CCDC141: variants seen among roughly 807,000 people sequenced by gnomAD.
CCDC141 encodes coiled-coil domain-containing protein 141.
Under a neutral mutation model 181.0 loss-of-function variants are expected in CCDC141, and 168 were observed. The observed-to-expected ratio is 0.93, with a 90% CI of 0.82 to 1.05. CCDC141 has a LOEUF of 1.05. CCDC141 is among the 50% of genes least tolerant of loss of function. CCDC141 has a pLI of 0.00. For missense variants in CCDC141, 1,902 were observed against 1,788.5 expected, an observed-to-expected ratio of 1.06 and a Z score of -1.14; for synonymous variants, 666 against 642.3, an observed-to-expected ratio of 1.04 and a Z score of -0.56.
At chr2:178,979,093 T>C (rs1207503322) in intron 2 of CCDC141, among the ~76,000 whole-genome samples, 1 of 152,232 alleles carries the variant, frequency 6.6e-6, no homozygotes, top group East Asian at 1.9e-4. Flanking sequence ...TTGTCATTAG[T>C]TGTTAATATG....
At chr2:178,928,460 C>G (rs147342056) in intron 6 of CCDC141, among the ~76,000 whole-genome samples, 2 of 152,002 alleles carry the variant, frequency 1.3e-5, no homozygotes, top group African/African-American at 2.4e-5. Context: ...CAATTTCACT[C>G]TTATTATCAT....
At chr2:178,819,983 C>CATAA in the CCDC141 span, among the ~76,000 whole-genome samples, 1 of 152,050 alleles carries the variant, frequency 6.6e-6, no homozygotes, top group Non-Finnish European at 1.5e-5. Flanking sequence ...CATTAAAGGA[C>CATAA]ATAAATAAAT....
At chr2:179,001,184 G>A (rs1266929736) in intron 2 of CCDC141, among the ~76,000 whole-genome samples, 1 of 152,132 alleles carries the variant, frequency 6.6e-6, no homozygotes, top group Admixed American at 6.5e-5. Context: ...ACAAGTGTAA[G>A]CATTGAAATT....
chr2:179,000,019 T>C (rs2041914941), intron 2 of CCDC141, among the ~76,000 whole-genome samples: 1 of 150,550 alleles, frequency 6.6e-6, no homozygotes, highest in African/African-American at 2.5e-5. Context: ...AAAATAAAAA[T>C]TGCTCATGAT....
At chr2:178,881,474 G>A (rs1335420285) in intron 11 of CCDC141, among the ~76,000 whole-genome samples, 1 of 152,174 alleles carries the variant, frequency 6.6e-6, no homozygotes, top group African/African-American at 2.4e-5. Context: ...GGGTAACTGG[G>A]TCAAATAAAT....
At chr2:178,883,159 A>G (rs1156613782) in intron 11 of CCDC141, among the ~76,000 whole-genome samples, 1 of 152,232 alleles carries the variant, frequency 6.6e-6, no homozygotes, top group African/African-American at 2.4e-5. Context: ...GAAGATGCAG[A>G]AAGCAAGCAC....
At chr2:178,856,492 C>T (rs1685393502) in intron 17 of CCDC141, 95 bp from the exon 18 acceptor site, 1 of 885,236 alleles carries the variant, frequency 1.1e-6, no homozygotes, top group Non-Finnish European at 1.6e-6. Context: ...TCAAAATACT[C>T]ATAATCTTAA....
chr2:178,959,675 CA>C (rs966235779), intron 5 of CCDC141, among the ~76,000 whole-genome samples: 14 of 152,196 alleles, frequency 9.2e-5, no homozygotes, highest in African/African-American at 3.4e-4. Flanking sequence ...ACAACAGAAG[CA>C]GGACAGGAGA....
intron 17 of CCDC141, among the ~76,000 whole-genome samples, chr2:178,857,504 G>A (rs1184294019): frequency 1.3e-5 from 2 of 152,092 alleles, no homozygotes; most frequent in African/African-American, 4.8e-5. Flanking sequence ...TATACATAGG[G>A]GATAGATTTT....
chr2:179,048,454 T>C (rs1268616366), intron 1 of CCDC141, among the ~76,000 whole-genome samples: 1 of 152,156 alleles, frequency 6.6e-6, no homozygotes, highest in Non-Finnish European at 1.5e-5. Flanking sequence ...TAATTTCCAG[T>C]GTAATTTTTT....
intron 23 of CCDC141, 105 bp downstream of exon 23, chr2:178,836,789 A>G (rs747060719): frequency 1.6e-5 from 21 of 1,276,298 alleles, no homozygotes; most frequent in Non-Finnish European, 2.2e-5. Context: ...GTGTCATAGA[A>G]TATTAATCAG....
intron 4 of CCDC141, among the ~76,000 whole-genome samples, chr2:178,962,896 C>T (rs1374585569): frequency 6.6e-6 from 1 of 152,176 alleles, no homozygotes; most frequent in African/African-American, 2.4e-5. Context: ...TATGTCCACT[C>T]ACATCCTCAA....
chr2:178,850,103 A>G lies in CCDC141; in HGVS notation c.3303T>C (p.Leu1101=), dbSNP rs369890692. Residue 1101 remains leucine, a synonymous_variant, in exon 21 of 24, where the codon CTT becomes CTC. Transcript: ENST00000443758. The part of the protein sequence containing the change: ...EKIVTKHKEV[L]ESVTELCESL... ...ACTCACATAATTCAGTCACAGATTCAAGAACCTCTTTGTGTTTTGTCACTA... is the reference window on the plus strand; with the variant it reads ...ACTCACATAATTCAGTCACAGATTCGAGAACCTCTTTGTGTTTTGTCACTA... 3.5e-5 allele frequency: 56 copies of G among 1,611,724 alleles called. No homozygotes were observed. The African/African-American group carries it at 7.3e-4, about 21-fold the overall frequency.
chr2:178,824,237 G>A, the CCDC141 span, among the ~76,000 whole-genome samples: 1 of 152,128 alleles, frequency 6.6e-6, no homozygotes, highest in African/African-American at 2.4e-5. Context: ...TTCTAATTCT[G>A]AGATTCTCTA....
chr2:178,902,350 A>C (rs1687740170), intron 8 of CCDC141, among the ~76,000 whole-genome samples: 1 of 152,244 alleles, frequency 6.6e-6, no homozygotes, highest in Non-Finnish European at 1.5e-5. Context: ...ACCTAACTTC[A>C]AACTATACTA....
intron 5 of CCDC141, among the ~76,000 whole-genome samples, chr2:178,945,621 C>T (rs367713205): frequency 1.3e-4 from 20 of 152,144 alleles, no homozygotes; most frequent in African/African-American, 4.1e-4. Flanking sequence ...CTGCCATCAG[C>T]GGGAATGACT....
rs1228375797 is a variant in CCDC141, at chr2:178,840,637, C to T, written c.3475-2893G>A. Among the ~76,000 whole-genome samples the T allele has an allele frequency of 3.9e-5, 6 of 152,062 alleles. No homozygotes were observed. In the South Asian group the frequency reaches 8.3e-4, roughly 21 times the overall value. ...ATCCCCCGGAGGTGAAGTCTGTGGTCGTCTAGATGGGCACCCAAGTGGACT... is the reference window on the plus strand; with the variant it reads ...ATCCCCCGGAGGTGAAGTCTGTGGTTGTCTAGATGGGCACCCAAGTGGACT... On this transcript the variant is annotated intron_variant, in intron 22 of 23. Transcript: ENST00000443758.
At chr2:178,982,568 T>A (rs968137044) in intron 2 of CCDC141, among the ~76,000 whole-genome samples, 7 of 152,154 alleles carry the variant, frequency 4.6e-5, no homozygotes, top group African/African-American at 1.7e-4. Context: ...TTCATCTCAC[T>A]AGGGAGTGCC....
Position 179,019,394 on chromosome 2 carries a change from T to C in CCDC141, c.225+27890A>G, listed in dbSNP as rs182075642. Among the ~76,000 whole-genome samples, 387 of 152,280 alleles carry C rather than the reference T, an allele frequency of 2.5e-3. 5 individuals carry two copies. Among genetic ancestry groups the C allele is most frequent in the Admixed American group, 9.9e-3 (152 of 15,286 alleles). ...ACTAATGATGAGAGAGAAGCATTCA[T>C]GTGAAGACATATCAACACCAGGGTC... On this transcript the variant is annotated intron_variant, in intron 2 of 23. Coordinates refer to ENST00000443758, the MANE Select transcript of CCDC141 (RefSeq NM_173648.4).
Sources: gnomAD v4.1 joint callset for allele counts (sites outside exome capture counted in the v4.1 genomes callset) on GRCh38, gnomAD v4.1.1 for gene constraint, MANE v1.5 for transcripts, NCBI Gene and HGNC (gene_info 2026-07-23, HGNC 2026-07-21) for gene names.